LOXL2: variants seen among roughly 807,000 people sequenced by gnomAD.
LOXL2 encodes lysyl oxidase like 2, also known as lysyl oxidase homolog 2.
LOXL2 carries 70 observed loss-of-function variants against 93.0 expected under a neutral mutation model. That is an observed-to-expected ratio of 0.75 (90% CI 0.62 to 0.92). The LOEUF (loss-of-function observed/expected upper bound fraction) is 0.92. Ranked by LOEUF, LOXL2 falls within the 40% of genes least tolerant of loss-of-function variation. LOXL2 has a pLI of 0.00. For synonymous variants in LOXL2, 438 were observed against 413.2 expected (o/e 1.06, Z -0.73); for missense variants, 973 against 1,054.9 (o/e 0.92, Z 1.08).
chr8:23,300,631 T>C (rs149833805), intron 12 of LOXL2, among the ~76,000 whole-genome samples: 1 of 152,318 alleles, frequency 6.6e-6, no homozygotes, highest in East Asian at 1.9e-4. Context: ...CCCTAATGAG[T>C]CCATTTGCTA....
chr8:23,348,646 G>T, intron 3 of LOXL2, among the ~76,000 whole-genome samples: 1 of 152,036 alleles, frequency 6.6e-6, no homozygotes, highest in Non-Finnish European at 1.5e-5. Flanking sequence ...GGGAGGCCGA[G>T]GCGGGTGGAT....
chr8:23,388,623 TCACACACACACACACACACACA>T (rs10522826), intron 1 of LOXL2, among the ~76,000 whole-genome samples: 26 of 142,926 alleles, frequency 1.8e-4, no homozygotes, highest in Middle Eastern at 7.1e-3. Flanking sequence ...AAAAATATAC[TCACACACACACACACACACACA>T]CACACACACA....
At chr8:23,381,883 C>T (rs1457587395) in intron 1 of LOXL2, among the ~76,000 whole-genome samples, 1 of 152,230 alleles carries the variant, frequency 6.6e-6, no homozygotes, top group Non-Finnish European at 1.5e-5. Context: ...GGGCACCTGA[C>T]TGGGCCCCCA....
chr8:23,298,998 CCACCCAGGCCTGGGGCTCTGAGAGACCAG>C, intron 12 of LOXL2, 51 bp from the exon 13 acceptor site: 1 of 1,086,888 alleles, frequency 9.2e-7, no homozygotes, highest in Non-Finnish European at 1.4e-6. Flanking sequence ...GCGGCCACCT[CCACCCAGGCCTGGGGCTCTGAGAGACCAG>C]CACCTCAGGG....
At chr8:23,351,320 A>T (rs1015376852) in intron 3 of LOXL2, among the ~76,000 whole-genome samples, 7 of 152,110 alleles carry the variant, frequency 4.6e-5, no homozygotes, top group Admixed American at 1.3e-4. Context: ...TAGTCACATC[A>T]CCAGACCTCC....
Position 23,328,428 on chromosome 8 carries a change from G to A in LOXL2, c.1104C>T (p.Gly368=). ...VSASVVCREL[G]FGSAKEAVTG... ...TGACTGCCTCTTTGGCACTCCCAAA[G>A]CCCAGCTCTCTGCAGACCACACTGG... is the stretch of plus-strand genomic sequence containing the variant. Residue 368 remains glycine, a synonymous_variant, in exon 6 of 14, where the codon GGC becomes GGT. Transcript: ENST00000389131. 6.2e-7 allele frequency: 1 copy of A among 1,614,052 alleles called. No homozygotes were observed.
chr8:23,309,644 G>A (rs1803290067), intron 10 of LOXL2, 24 bp downstream of exon 10: 1 of 1,411,218 alleles, frequency 7.1e-7, no homozygotes, highest in Non-Finnish European at 9.3e-7. Flanking sequence ...CAGCTTAGTG[G>A]GGAGGGTGGC....
At chr8:23,343,513 C>T (rs113174021) in intron 3 of LOXL2, among the ~76,000 whole-genome samples, 5 of 152,228 alleles carry the variant, frequency 3.3e-5, no homozygotes, top group African/African-American at 9.6e-5. Flanking sequence ...TGCCCCAGCC[C>T]TGTCCAACTG....
chr8:23,376,002 T>C (rs141866124), intron 1 of LOXL2, among the ~76,000 whole-genome samples: 18,103 of 152,228 alleles, frequency 0.12, 1,335 homozygotes, highest in Admixed American at 0.17. Flanking sequence ...AGAGAGGGCA[T>C]CCCTGTCTTG....
At chr8:23,303,866 G>C in intron 10 of LOXL2, among the ~76,000 whole-genome samples, 1 of 152,254 alleles carries the variant, frequency 6.6e-6, no homozygotes, top group East Asian at 1.9e-4. Context: ...CAAAGGGTAA[G>C]AAGCATGATT....
At chr8:23,360,687 A>G (rs990196911) in intron 2 of LOXL2, among the ~76,000 whole-genome samples, 3 of 152,172 alleles carry the variant, frequency 2.0e-5, no homozygotes, top group Non-Finnish European at 4.4e-5. Context: ...CAGATTAGAG[A>G]TACTACGAAG....
intron 2 of LOXL2, among the ~76,000 whole-genome samples, chr8:23,367,589 G>T (rs57066934): frequency 5.6e-4 from 86 of 152,270 alleles, no homozygotes; most frequent in African/African-American, 1.9e-3. Context: ...AACAGGGAAC[G>T]ATTTGGAGTA....
chr8:23,361,278 A>G (rs1328330691), intron 2 of LOXL2, among the ~76,000 whole-genome samples: 1 of 152,090 alleles, frequency 6.6e-6, no homozygotes, highest in Non-Finnish European at 1.5e-5. Context: ...TGGCATGATT[A>G]TCCCACCACC....
intron 1 of LOXL2, among the ~76,000 whole-genome samples, chr8:23,373,579 G>A (rs1162078490): frequency 6.6e-6 from 1 of 152,168 alleles, no homozygotes; most frequent in Admixed American, 6.5e-5. Flanking sequence ...AATTGCCAAA[G>A]GTCACACAGA....
At chr8:23,362,229 C>T (rs1446365906) in intron 2 of LOXL2, among the ~76,000 whole-genome samples, 1 of 152,170 alleles carries the variant, frequency 6.6e-6, no homozygotes, top group East Asian at 1.9e-4. Flanking sequence ...ATAAGCCCAT[C>T]CCAAAAGACA....
rs12544014 is a variant in LOXL2 at position 23,314,906 on chromosome 8, G to A, written c.1636+2043C>T. 9.1e-3 allele frequency among the ~76,000 whole-genome samples: 1,387 copies of A among 152,190 alleles called. 82 individuals are homozygous for A. In the East Asian group the frequency reaches 0.16, roughly 17 times the overall value. On this transcript the variant is annotated intron_variant, in intron 9 of 13. Transcript: ENST00000389131. ...CAAGTAGCCTGTGCCAGGCCCCTGC[G>A]GCACCACGGAGGGTCAAAGCCAGTG...
At chr8:23,374,928 G>C (rs1400104166) in intron 1 of LOXL2, among the ~76,000 whole-genome samples, 1 of 152,122 alleles carries the variant, frequency 6.6e-6, no homozygotes, top group African/African-American at 2.4e-5. Flanking sequence ...TTCTTTTGCT[G>C]TGCAGAAGCT....
In LOXL2 at chr8:23,322,137, T is replaced by C. The variant is rs960602563; in HGVS notation, c.1295A>G (p.Gln432Arg). ...GGTGTCCAGTCCCATCACCTTCTTC[T>C]GCAAGCCCATGGCAGGGGTGTTGCA... ...VRCNTPAMGL[Q>R]KKLRLNGGRN... Residue 432 changes from glutamine (Q) to arginine (R), a missense_variant, in exon 7 of 14, where the codon CAG becomes CGG. Coordinates refer to ENST00000389131, the MANE Select transcript of LOXL2 (RefSeq NM_002318.3). The C allele has an allele frequency of 1.2e-6, 2 of 1,614,044 alleles. No homozygotes were observed. Among genetic ancestry groups the C allele is most frequent in the Admixed American group, 3.3e-5 (2 of 60,002 alleles).
At chr8:23,371,446 T>C (rs1468476123) in intron 1 of LOXL2, among the ~76,000 whole-genome samples, 3 of 152,236 alleles carry the variant, frequency 2.0e-5, no homozygotes, top group South Asian at 2.1e-4. Context: ...TTAAAATACA[T>C]GTATGATTAA....
Sources: allele counts gnomAD v4.1 joint callset (sites outside exome capture counted in the v4.1 genomes callset), GRCh38; gene constraint gnomAD v4.1.1; transcripts MANE v1.5; gene names NCBI Gene and HGNC (gene_info 2026-07-23, HGNC 2026-07-21).